The following ENTPD4 variants were observed in gnomAD, a reference collection of about 807,000 sequenced individuals.
ENTPD4 encodes the protein Golgi UDPase.
In ENTPD4, 60 loss-of-function variants were observed where a neutral mutation model predicts 79.1. That is an observed-to-expected ratio of 0.76 (90% CI 0.62 to 0.94). ENTPD4 has a LOEUF of 0.94. ENTPD4 is among the 40% of genes least tolerant of loss of function. The pLI is 0.00. For synonymous variants in ENTPD4, 276 were observed against 292.0 expected (o/e 0.95, Z 0.56); for missense variants, 772 against 775.1 (o/e 1.00, Z 0.05).
At chr8:23,454,492 A>G (rs1367382808) in intron 1 of ENTPD4, among the ~76,000 whole-genome samples, 1 of 152,226 alleles carries the variant, frequency 6.6e-6, no homozygotes, top group Non-Finnish European at 1.5e-5. Context: ...GAAAATAGTC[A>G]AGATACTAAT....
At chr8:23,453,633 T>G (rs1411170780) in intron 1 of ENTPD4, among the ~76,000 whole-genome samples, 1 of 152,198 alleles carries the variant, frequency 6.6e-6, no homozygotes, top group Non-Finnish European at 1.5e-5. Context: ...GGCCTGGTGA[T>G]ACTTGGCTAA....
At chr8:23,449,702 C>A (rs1236678111) in intron 2 of ENTPD4, among the ~76,000 whole-genome samples, 191 bp downstream of exon 2, 3 of 152,152 alleles carry the variant, frequency 2.0e-5, no homozygotes, top group Non-Finnish European at 2.9e-5. Flanking sequence ...CAGTTAATTT[C>A]TTTACTCTTC....
rs1800830258 is a variant in ENTPD4 at position 23,449,953 on chromosome 8, CAAT to C, written c.-56_-54del. 1.9e-6 allele frequency: 3 copies of C among 1,613,546 alleles called. No homozygotes were observed. The African/African-American group carries it at 4.0e-5, about 22-fold the overall frequency. On this transcript the variant is annotated 5_prime_UTR_variant, in exon 2 of 13. Transcript: ENST00000358689. ...TCTGGGATTCAGTCCTTCTCACAAA[CAAT>C]TATAGAAATAATGCTGGGGTCCTCA...
chr8:23,434,668 A>C, intron 11 of ENTPD4, 190 bp from the exon 12 acceptor site: 2 of 1,423,974 alleles, frequency 1.4e-6, no homozygotes, highest in Non-Finnish European at 1.8e-6. Context: ...GTCCCACAAC[A>C]TGGAGCAGTT....
Position 23,432,791 on chromosome 8 carries a change from C to CT in ENTPD4, c.*134dup. 1 of 1,438,408 alleles carries CT rather than the reference C, an allele frequency of 7.0e-7. No homozygotes were observed. The highest frequency in any genetic ancestry group is 9.1e-7 in the Non-Finnish European group (1 of 1,100,348). The allele number at this position is 1,438,408 out of a possible 1,614,324, so 89.1% of individuals were successfully genotyped here. On this transcript the variant is annotated 3_prime_UTR_variant, in exon 13 of 13. Transcript: ENST00000358689. ...GGGATTACAGGCGTGAGCCACCGCG[C>CT]TCGGCCTGCATTTTGTTTTTGTTTG...
At chr8:23,449,043 T>A in intron 2 of ENTPD4, 104 bp from the exon 3 acceptor site, 1 of 876,240 alleles carries the variant, frequency 1.1e-6, no homozygotes, top group South Asian at 1.6e-5. Context: ...TACCTGGATT[T>A]CCCTAACTGT....
intron 4 of ENTPD4, among the ~76,000 whole-genome samples, chr8:23,447,463 A>T (rs1563227111): frequency 6.6e-6 from 1 of 152,202 alleles, no homozygotes; most frequent in African/African-American, 2.4e-5. Context: ...GCTATGGGAG[A>T]CAAAAAGACA....
At chr8:23,443,291 T>C (rs369803207) in intron 6 of ENTPD4, among the ~76,000 whole-genome samples, 21 of 152,198 alleles carry the variant, frequency 1.4e-4, no homozygotes, top group African/African-American at 5.1e-4. Context: ...AGCAGCTGAA[T>C]AGCAATGTGT....
intron 3 of ENTPD4, 36 bp downstream of exon 3, chr8:23,448,706 C>G (rs954217914): frequency 5.1e-6 from 8 of 1,566,738 alleles, no homozygotes; most frequent in African/African-American, 1.4e-5. Context: ...GAAGGTAAGG[C>G]TTCTGGTCTA....
rs1311397726 is a variant in ENTPD4 at position 23,432,908 on chromosome 8, G to T, written c.*18C>A. On this transcript the variant is annotated 3_prime_UTR_variant, in exon 13 of 13. Transcript: ENST00000358689. ...AAATGGCTTTTCCTTTTGAGTCTTC[G>T]TGGAGCTGTGAGCTGGATCACAAGG... is the stretch of plus-strand genomic sequence containing the variant. 1.3e-6 allele frequency: 2 copies of T among 1,563,332 alleles called. No individual in the cohort carries two copies. The highest frequency in any genetic ancestry group is 8.7e-7 in the Non-Finnish European group (1 of 1,151,814).
At position 23,447,742 on chromosome 8, in the gene ENTPD4, A is replaced by G. The variant is rs1800786736; in HGVS notation, c.350T>C (p.Leu117Pro). The part of the protein sequence containing the change: ...WPRHNGNPHD[L>P]LDIRQMRDKN... ...ATCCCTCATTTGCCTGATATCCAAC[A>G]GATCATGTGGATTGCCATTATGCCT... The change falls in exon 4 of 13, where the codon CTG becomes CCG. Residue 117 changes from leucine to proline, a missense_variant. Coordinates refer to ENST00000358689, the MANE Select transcript of ENTPD4 (RefSeq NM_004901.5). 1 of 1,614,076 alleles carries G rather than the reference A, an allele frequency of 6.2e-7. No individual in the cohort carries two copies. The highest frequency in any genetic ancestry group is 8.5e-7 in the Non-Finnish European group (1 of 1,180,006).
rs1443474932 is a variant in ENTPD4 at position 23,433,005 on chromosome 8, C to CGCCTGTG, written c.1765_1771dup (p.Arg591ProfsTer94). The CGCCTGTG allele has an allele frequency of 6.2e-7, 1 of 1,613,824 alleles. No homozygotes were observed. The highest frequency in any genetic ancestry group is 1.3e-5 in the African/African-American group (1 of 74,912). On this transcript the variant is annotated frameshift_variant, in exon 13 of 13. Coordinates refer to ENST00000358689, the MANE Select transcript of ENTPD4 (RefSeq NM_004901.5). LOFTEE classifies it high-confidence loss of function. ...GGCGGCCGAGCTGCTCCGGGGAGTGCGCCTGTGGATGCGCCGCAGCCGCAG... is the reference window on the plus strand; with the variant it reads ...GGCGGCCGAGCTGCTCCGGGGAGTGCGCCTGTGGCCTGTGGATGCGCCGCAGCCGCAG...
chr8:23,436,513 A>G (rs1245503109), intron 10 of ENTPD4, among the ~76,000 whole-genome samples: 2 of 152,120 alleles, frequency 1.3e-5, no homozygotes, highest in African/African-American at 4.8e-5. Flanking sequence ...GAGACCATCC[A>G]AGAACCTGAA....
chr8:23,436,518 C>T (rs921173396), intron 10 of ENTPD4, among the ~76,000 whole-genome samples: 1 of 151,988 alleles, frequency 6.6e-6, no homozygotes, highest in Admixed American at 6.6e-5. Flanking sequence ...CATCCAAGAA[C>T]CTGAAGATCA....
intron 10 of ENTPD4, among the ~76,000 whole-genome samples, chr8:23,435,881 T>G (rs1420269561): frequency 6.6e-6 from 1 of 152,218 alleles, no homozygotes; most frequent in African/African-American, 2.4e-5. Flanking sequence ...GCAAAAGGTT[T>G]TTGTCTTTAA....
intron 8 of ENTPD4, 158 bp downstream of exon 8, chr8:23,441,411 C>A (rs1243164190): frequency 1.0e-6 from 1 of 985,410 alleles, no homozygotes; most frequent in Non-Finnish European, 1.2e-6. Flanking sequence ...CAGCTGAGGT[C>A]TGCCTTGTTC....
rs761715140 is a variant in ENTPD4 at position 23,449,925 on chromosome 8, T to C, written c.-25A>G. The C allele has an allele frequency of 6.8e-6, 11 of 1,614,058 alleles. No homozygotes were observed. The highest frequency in any genetic ancestry group is 9.3e-6 in the Non-Finnish European group (11 of 1,179,922). ...TACTGAAAGGTCAGCAACAAGGCAA[T>C]GCTCTGGGATTCAGTCCTTCTCACA... On this transcript the variant is annotated 5_prime_UTR_variant, in exon 2 of 13. Transcript: ENST00000358689.
At chr8:23,444,726 T>C in intron 4 of ENTPD4, 120 bp from the exon 5 acceptor site, 2 of 841,248 alleles carry the variant, frequency 2.4e-6, no homozygotes, top group Middle Eastern at 3.4e-4. Context: ...TAGTTTTTCC[T>C]ATCCTTCTAG....
Position 23,431,007 on chromosome 8 carries a change from C to T in ENTPD4, c.*1919G>A, listed in dbSNP as rs938321401. ...CTGGGTCCCCAGGCTGCTGGTAACA[C>T]GCTTTGAAATCCAGGTGAGGGAGCC... is the stretch of plus-strand genomic sequence containing the variant. On this transcript the variant is annotated 3_prime_UTR_variant, in exon 13 of 13. Transcript: ENST00000358689. 25 of 982,116 alleles carry T rather than the reference C, an allele frequency of 2.5e-5. No individual in the cohort carries two copies. The highest frequency in any genetic ancestry group is 1.1e-4 in the East Asian group (1 of 8,802). The allele number at this position is 982,116 out of a possible 1,614,324, so 60.8% of individuals were successfully genotyped here.
Sources: gnomAD v4.1 joint callset for allele counts (sites outside exome capture counted in the v4.1 genomes callset) on GRCh38, gnomAD v4.1.1 for gene constraint, MANE v1.5 for transcripts, NCBI Gene and HGNC (gene_info 2026-07-23, HGNC 2026-07-21) for gene names.